ST8SIA4: variants seen among roughly 807,000 people sequenced by gnomAD.
ST8SIA4 encodes the protein CMP-N-acetylneuraminate-poly-alpha-2,8-sialyltransferase.
ST8SIA4 carries 15 observed loss-of-function variants against 33.9 expected under a neutral mutation model. That is an observed-to-expected ratio of 0.44 (90% CI 0.30 to 0.68). The LOEUF (loss-of-function observed/expected upper bound fraction) is 0.68. Ranked by LOEUF, ST8SIA4 falls within the 30% of genes least tolerant of loss-of-function variation. The pLI is 0.10. For missense variants in ST8SIA4, 321 were observed against 428.0 expected (o/e 0.75, Z 2.21); for synonymous variants, 171 against 151.2 (o/e 1.13, Z -0.96).
rs1752764751 is a variant in ST8SIA4, at chr5:100,895,701, G to T, written c.198C>A (p.His66Gln). Residue 66 changes from histidine to glutamine, a missense_variant, in exon 2 of 5, where the codon CAC becomes CAA. Physicochemically the swap from His to Gln is conservative, Grantham distance 24 (BLOSUM62 0). Coordinates refer to ENST00000231461, the MANE Select transcript of ST8SIA4 (RefSeq NM_005668.6). ...AATTGATTTTCCAACCTTCTACATT[G>T]TGCTGGAAGATTGAAGAGCCAGCCT... ...IRKAGSSIFQ[H>Q]NVEGWKINSS... is the part of the protein sequence containing the mutation. The T allele has an allele frequency of 6.2e-7, 1 of 1,612,654 alleles. No individual in the cohort carries two copies.
chr5:100,837,156 C>G lies in ST8SIA4; in HGVS notation c.797+18947G>C, dbSNP rs540296689. Among the ~76,000 whole-genome samples the G allele has an allele frequency of 1.9e-3, 283 of 152,078 alleles. 1 individual carries two copies. The highest frequency in any genetic ancestry group is 6.0e-3 in the African/African-American group (250 of 41,510). On this transcript the variant is annotated intron_variant, in intron 4 of 4. Coordinates refer to ENST00000231461, the MANE Select transcript of ST8SIA4 (RefSeq NM_005668.6). ...GCCAGTGTTGAACTAGTTTCAAAAG[C>G]ATTTAGCCAGTCCAAACTCAATAGG... is the stretch of plus-strand genomic sequence containing the variant.
chr5:100,863,243 A>C (rs1409369990), intron 3 of ST8SIA4, among the ~76,000 whole-genome samples: 2 of 152,204 alleles, frequency 1.3e-5, no homozygotes, highest in Non-Finnish European at 2.9e-5. Flanking sequence ...TAAAAGGTTG[A>C]TTCTGAGATT....
chr5:100,878,368 G>T (rs1752348779), intron 3 of ST8SIA4, among the ~76,000 whole-genome samples: 1 of 151,916 alleles, frequency 6.6e-6, no homozygotes, highest in African/African-American at 2.4e-5. Flanking sequence ...GTAGAGATGG[G>T]GTTTCTCCAT....
rs935368002 is a variant in ST8SIA4 at position 100,808,241 on chromosome 5, T to G, written c.*3606A>C. On this transcript the variant is annotated 3_prime_UTR_variant, in exon 5 of 5. Coordinates refer to ENST00000231461, the MANE Select transcript of ST8SIA4 (RefSeq NM_005668.6). ...TACACTACCCCTAGCATTACTTAAA[T>G]AAATTGCTTTTGTAAGCATATATGT... is the stretch of plus-strand genomic sequence containing the variant. 2 of 152,646 alleles carry G rather than the reference T, an allele frequency of 1.3e-5. No homozygotes were observed. The highest frequency in any genetic ancestry group is 2.9e-5 in the Non-Finnish European group (2 of 68,004). The allele number at this position is 152,646 out of a possible 1,614,324, so 9.5% of individuals were successfully genotyped here. A position where few individuals can be genotyped will look rare whatever the true frequency, so the allele number is the denominator to read the frequency against.
intron 4 of ST8SIA4, among the ~76,000 whole-genome samples, chr5:100,851,542 T>C (rs1437962324): frequency 1.3e-5 from 2 of 151,940 alleles, no homozygotes; most frequent in Non-Finnish European, 2.9e-5. Flanking sequence ...GTTGAGAAAA[T>C]GTCATGTTAA....
chr5:100,857,998 T>C (rs1341990570), intron 3 of ST8SIA4, among the ~76,000 whole-genome samples: 1 of 152,080 alleles, frequency 6.6e-6, no homozygotes. Context: ...TTAGATATTA[T>C]TCATTCTCAT....
chr5:100,815,771 T>A (rs1348012882), intron 4 of ST8SIA4, among the ~76,000 whole-genome samples: 1 of 152,164 alleles, frequency 6.6e-6, no homozygotes, highest in African/African-American at 2.4e-5. Context: ...CACAGCTTTG[T>A]ATCTGTGATA....
intron 3 of ST8SIA4, among the ~76,000 whole-genome samples, chr5:100,883,224 C>T (rs1247569129): frequency 1.3e-5 from 2 of 152,190 alleles, no homozygotes; most frequent in African/African-American, 4.8e-5. Context: ...GTGACCTACA[C>T]GTGAGACCTG....
intron 1 of ST8SIA4, among the ~76,000 whole-genome samples, chr5:100,901,468 A>C (rs1374150014): frequency 1.3e-5 from 2 of 152,142 alleles, no homozygotes; most frequent in African/African-American, 4.8e-5. Context: ...CCTGGCAAGC[A>C]CAGGTCTGCA....
At chr5:100,895,466 G>C (rs1247589814) in intron 2 of ST8SIA4, among the ~76,000 whole-genome samples, 188 bp downstream of exon 2, 1 of 151,922 alleles carries the variant, frequency 6.6e-6, no homozygotes, top group Non-Finnish European at 1.5e-5. Context: ...TTAAATCTCT[G>C]ACTATATAAT....
intron 4 of ST8SIA4, among the ~76,000 whole-genome samples, chr5:100,817,992 C>A (rs1482939626): frequency 6.6e-6 from 1 of 152,104 alleles, no homozygotes; most frequent in Non-Finnish European, 1.5e-5. Flanking sequence ...GTAAAGAGCT[C>A]TATATGTGGT....
At chr5:100,859,996 T>C (rs7723678) in intron 3 of ST8SIA4, among the ~76,000 whole-genome samples, 3,017 of 152,210 alleles carry the variant, frequency 0.02, 101 homozygotes, top group African/African-American at 0.069. Context: ...ATCCAATTTT[T>C]TAATTCTACA....
intron 3 of ST8SIA4, among the ~76,000 whole-genome samples, chr5:100,875,474 T>C (rs1752285618): frequency 6.6e-6 from 1 of 152,302 alleles, no homozygotes; most frequent in Non-Finnish European, 1.5e-5. Flanking sequence ...CATACCTTAA[T>C]TTCTCTTTCA....
chr5:100,846,815 G>T (rs962339768), intron 4 of ST8SIA4, among the ~76,000 whole-genome samples: 4 of 152,042 alleles, frequency 2.6e-5, no homozygotes, highest in African/African-American at 7.2e-5. Context: ...ATTGGTCAGG[G>T]GCAGAATGAA....
Position 100,811,841 on chromosome 5 carries a change from T to C in ST8SIA4, c.*6A>G. 2 of 1,592,990 alleles carry C rather than the reference T, an allele frequency of 1.3e-6. No homozygotes were observed. The highest frequency in any genetic ancestry group is 8.6e-7 in the Non-Finnish European group (1 of 1,169,476). ...GAAGTGCATATTGTTTGTTTCAAAATGTGCTTTATTGCTTTACACACTTTC... is the reference window on the plus strand; with the variant it reads ...GAAGTGCATATTGTTTGTTTCAAAACGTGCTTTATTGCTTTACACACTTTC... On this transcript the variant is annotated 3_prime_UTR_variant, in exon 5 of 5. Coordinates refer to ENST00000231461, the MANE Select transcript of ST8SIA4 (RefSeq NM_005668.6).
chr5:100,815,196 G>C (rs779592064), intron 4 of ST8SIA4, among the ~76,000 whole-genome samples: 1 of 151,624 alleles, frequency 6.6e-6, no homozygotes, highest in Non-Finnish European at 1.5e-5. Context: ...ATCCATGTAA[G>C]CTCCTTGTAG....
At chr5:100,846,861 C>A (rs1751582702) in intron 4 of ST8SIA4, among the ~76,000 whole-genome samples, 5 of 152,102 alleles carry the variant, frequency 3.3e-5, no homozygotes, top group African/African-American at 9.7e-5. Context: ...GAGCCACACA[C>A]TTGGGAATAT....
At chr5:100,821,292 C>T (rs1026095055) in intron 4 of ST8SIA4, among the ~76,000 whole-genome samples, 1 of 151,876 alleles carries the variant, frequency 6.6e-6, no homozygotes, top group Non-Finnish European at 1.5e-5. Flanking sequence ...GTAATCCTAA[C>T]GCTCAGTAAA....
At chr5:100,842,358 C>T (rs1260265030) in intron 4 of ST8SIA4, among the ~76,000 whole-genome samples, 5 of 151,744 alleles carry the variant, frequency 3.3e-5, no homozygotes, top group African/African-American at 4.8e-5. Context: ...CTGGTAGCGA[C>T]GTTTATTAAT....
Sources: gnomAD v4.1 joint callset for allele counts (sites outside exome capture counted in the v4.1 genomes callset) on GRCh38, gnomAD v4.1.1 for gene constraint, MANE v1.5 for transcripts, NCBI Gene and HGNC (gene_info 2026-07-23, HGNC 2026-07-21) for gene names.